Variants in CDH10 observed in about 807,000 individuals in gnomAD.
CDH10 encodes cadherin 10, also known as cadherin-10.
A neutral mutation model predicts 73.1 loss-of-function variants in CDH10; 30 were observed. That is an observed-to-expected ratio of 0.41 (90% CI 0.31 to 0.56). CDH10 has a LOEUF of 0.56. CDH10 is among the 20% of genes least tolerant of loss of function. The pLI is 0.27. For missense variants in CDH10, 815 were observed against 973.7 expected (o/e 0.84, Z 2.17); for synonymous variants, 345 against 348.2 (o/e 0.99, Z 0.10).
At chr5:24,613,565 G>A (rs972197657) in intron 1 of CDH10, among the ~76,000 whole-genome samples, 2 of 147,570 alleles carry the variant, frequency 1.4e-5, no homozygotes, top group Admixed American at 6.8e-5. Flanking sequence ...TTTATTTACC[G>A]TAAAAGTGAA....
intron 8 of CDH10, among the ~76,000 whole-genome samples, chr5:24,504,505 T>G (rs969793750): frequency 1.4e-4 from 3 of 21,300 alleles, no homozygotes; most frequent in African/African-American, 8.8e-4. Flanking sequence ...CTCCTATTAA[T>G]CTTTTTTTTT....
At chr5:24,609,734 T>C (rs1579468224) in intron 1 of CDH10, 2 of 152,344 alleles carry the variant, frequency 1.3e-5, no homozygotes, top group African/African-American at 4.8e-5. Context: ...CCCCACAATG[T>C]TTTGATTTCT....
chr5:24,503,647 T>C (rs1742579242), intron 8 of CDH10, among the ~76,000 whole-genome samples: 1 of 152,188 alleles, frequency 6.6e-6, no homozygotes, highest in African/African-American at 2.4e-5. Context: ...AAATTAGCTA[T>C]GGAATTAAGT....
chr5:24,605,578 CT>C (rs1746732458), intron 1 of CDH10, among the ~76,000 whole-genome samples: 1 of 152,176 alleles, frequency 6.6e-6, no homozygotes, highest in African/African-American at 2.4e-5. Flanking sequence ...TTGGAGACCA[CT>C]GATATAGAGT....
At chr5:24,554,506 GTGTGTGTGT>G (rs1744689799) in intron 2 of CDH10, among the ~76,000 whole-genome samples, 1 of 149,456 alleles carries the variant, frequency 6.7e-6, no homozygotes, top group African/African-American at 2.5e-5. Context: ...GTGTGTGTGT[GTGTGTGTGT>G]GTGTGCACGT....
chr5:24,615,612 A>G (rs1326289949), intron 1 of CDH10, among the ~76,000 whole-genome samples: 1 of 152,220 alleles, frequency 6.6e-6, no homozygotes, highest in Non-Finnish European at 1.5e-5. Context: ...ATAAACTCCT[A>G]CATCTTTCAT....
intron 2 of CDH10, among the ~76,000 whole-genome samples, chr5:24,557,760 T>G (rs1744818721): frequency 6.6e-6 from 1 of 151,818 alleles, no homozygotes; most frequent in African/African-American, 2.4e-5. Context: ...TGTATTACGA[T>G]GTTCCAATAA....
chr5:24,609,273 C>T (rs950916040), intron 1 of CDH10, among the ~76,000 whole-genome samples: 3 of 152,126 alleles, frequency 2.0e-5, no homozygotes, highest in African/African-American at 4.8e-5. Context: ...GATTTTTTCC[C>T]CTTCCATGCC....
At chr5:24,535,984 C>G (rs1455593561) in intron 3 of CDH10, among the ~76,000 whole-genome samples, 162 bp from the exon 4 acceptor site, 1 of 152,064 alleles carries the variant, frequency 6.6e-6, no homozygotes, top group Non-Finnish European at 1.5e-5. Context: ...AGTGTTATTA[C>G]AGGTAAACTC....
At chr5:24,626,773 C>T (rs1747513983) in intron 1 of CDH10, among the ~76,000 whole-genome samples, 1 of 144,684 alleles carries the variant, frequency 6.9e-6, no homozygotes, top group Non-Finnish European at 1.5e-5. Flanking sequence ...GACTCTGTCT[C>T]AAAAACCTAT....
chr5:24,629,630 A>T (rs1428805141), intron 1 of CDH10, among the ~76,000 whole-genome samples: 1 of 152,024 alleles, frequency 6.6e-6, no homozygotes, highest in Non-Finnish European at 1.5e-5. Flanking sequence ...TCATGGGGAC[A>T]GTTTCCCCAT....
At chr5:24,547,741 T>C (rs1744395843) in intron 2 of CDH10, among the ~76,000 whole-genome samples, 1 of 152,154 alleles carries the variant, frequency 6.6e-6, no homozygotes, top group African/African-American at 2.4e-5. Flanking sequence ...GATTATGGAA[T>C]TGAACTTGAG....
At position 24,518,791 on chromosome 5, in the gene CDH10, C is replaced by T. The variant is rs1204404106; in HGVS notation, c.815-7277G>A. Among the ~76,000 whole-genome samples, 10 of 151,362 alleles carry T rather than the reference C, an allele frequency of 6.6e-5. No individual in the cohort carries two copies. In the East Asian group the frequency reaches 1.9e-3, roughly 29 times the overall value. ...AATAAAGTTATTTTATTGCAAAAGGCAGCTTTGACCTACATCGGAGAAGGA... is the reference window on the plus strand; with the variant it reads ...AATAAAGTTATTTTATTGCAAAAGGTAGCTTTGACCTACATCGGAGAAGGA... On this transcript the variant is annotated intron_variant, in intron 5 of 11. Coordinates refer to ENST00000264463, the MANE Select transcript of CDH10 (RefSeq NM_006727.5).
intron 1 of CDH10, chr5:24,612,859 G>T (rs927622088): frequency 1.3e-5 from 2 of 152,012 alleles, no homozygotes; most frequent in Non-Finnish European, 2.9e-5. Flanking sequence ...AAATATTTGT[G>T]GTAATCAGAG....
At chr5:24,636,843 G>C (rs528152763) in intron 1 of CDH10, among the ~76,000 whole-genome samples, 1 of 151,902 alleles carries the variant, frequency 6.6e-6, no homozygotes, top group East Asian at 1.9e-4. Flanking sequence ...ATGATAACTG[G>C]CTGTTGCAAA....
At chr5:24,530,016 CTTTTTTTTTTT>C (rs34282847) in intron 5 of CDH10, among the ~76,000 whole-genome samples, 1 of 121,846 alleles carries the variant, frequency 8.2e-6, no homozygotes, top group Non-Finnish European at 1.6e-5. Flanking sequence ...TCTATTTTTA[CTTTTTTTTTTT>C]TTTTTTTTTG....
At chr5:24,596,957 T>C (rs1249934570) in intron 1 of CDH10, among the ~76,000 whole-genome samples, 6 of 151,970 alleles carry the variant, frequency 3.9e-5, no homozygotes, top group African/African-American at 1.4e-4. Context: ...AGAATTATAA[T>C]GAAAAGGAAT....
At position 24,604,690 on chromosome 5, in the gene CDH10, C is replaced by T. The variant is rs558578662; in HGVS notation, c.-123-11077G>A. On this transcript the variant is annotated intron_variant, in intron 1 of 11. Coordinates refer to ENST00000264463, the MANE Select transcript of CDH10 (RefSeq NM_006727.5). The stretch of plus-strand genomic sequence containing the variant: ...GAGTTCAAGACCAGCCTAACCAACA[C>T]GGTGAAACCCCATATCTACTAAAAA... 2.2e-3 allele frequency among the ~76,000 whole-genome samples: 332 copies of T among 151,788 alleles called. 2 individuals are homozygous for T. The highest frequency in any genetic ancestry group is 5.2e-3 in the Admixed American group (79 of 15,222).
At chr5:24,562,727 G>A (rs1579811457) in intron 2 of CDH10, among the ~76,000 whole-genome samples, 2 of 152,126 alleles carry the variant, frequency 1.3e-5, no homozygotes, top group African/African-American at 4.8e-5. Context: ...CTCCTTCCAC[G>A]TAACCTAACA....
Sources: gnomAD v4.1 joint callset for allele counts (sites outside exome capture counted in the v4.1 genomes callset) on GRCh38, gnomAD v4.1.1 for gene constraint, MANE v1.5 for transcripts, NCBI Gene and HGNC (gene_info 2026-07-23, HGNC 2026-07-21) for gene names.